GSG1L: variants seen among roughly 807,000 people sequenced by gnomAD.
GSG1L encodes GSG1 like, also known as germ cell-specific gene 1-like protein.
GSG1L carries 24 observed loss-of-function variants against 42.1 expected under a neutral mutation model. That is an observed-to-expected ratio of 0.57 (90% CI 0.41 to 0.80). GSG1L has a LOEUF of 0.80. Among genes scored for constraint, GSG1L ranks in the 30% least tolerant of loss-of-function variants. GSG1L has a pLI of 0.00. For synonymous variants in GSG1L, 215 were observed against 203.5 expected (o/e 1.06, Z -0.48); for missense variants, 445 against 472.2 (o/e 0.94, Z 0.53).
intron 1 of GSG1L, among the ~76,000 whole-genome samples, chr16:27,964,331 A>C (rs1192201986): frequency 6.6e-6 from 1 of 152,210 alleles, no homozygotes; most frequent in African/African-American, 2.4e-5. Flanking sequence ...CTCAAAAAAA[A>C]AAAAAAAATG....
chr16:27,932,608 A>T (rs556336357), intron 2 of GSG1L, among the ~76,000 whole-genome samples: 13 of 152,120 alleles, frequency 8.5e-5, no homozygotes, highest in African/African-American at 3.1e-4. Context: ...TGAGAAATCC[A>T]CCCCCATGAT....
At chr16:27,842,213 G>A (rs1182506705) in intron 4 of GSG1L, among the ~76,000 whole-genome samples, 4 of 151,968 alleles carry the variant, frequency 2.6e-5, no homozygotes, top group Admixed American at 1.3e-4. Flanking sequence ...ACGTTGTTGC[G>A]CGTGTTAAAT....
intron 1 of GSG1L, among the ~76,000 whole-genome samples, chr16:28,050,066 A>G (rs952374353): frequency 2.0e-5 from 3 of 152,262 alleles, no homozygotes; most frequent in Admixed American, 6.5e-5. Context: ...GACCTGGGAC[A>G]GAATAGGTGT....
At chr16:27,942,687 G>A (rs4788013) in intron 2 of GSG1L, among the ~76,000 whole-genome samples, 109,293 of 152,028 alleles carry the variant, frequency 0.72, 39,515 homozygotes, top group Non-Finnish European at 0.75. Flanking sequence ...AGTAATCAGG[G>A]AAACGTAAAT....
intron 1 of GSG1L, among the ~76,000 whole-genome samples, chr16:28,054,207 C>A (rs868257293): frequency 6.6e-6 from 1 of 152,186 alleles, no homozygotes; most frequent in African/African-American, 2.4e-5. Flanking sequence ...CAAGCTCCAG[C>A]CCAAATACCC....
At chr16:27,898,450 G>A (rs1644594) in intron 2 of GSG1L, among the ~76,000 whole-genome samples, 57,366 of 150,830 alleles carry the variant, frequency 0.38, 12,789 homozygotes, top group East Asian at 0.51. Flanking sequence ...GCAGAAGCAC[G>A]AGAAAGGGGA....
chr16:27,942,415 G>A (rs766591775), intron 2 of GSG1L, among the ~76,000 whole-genome samples: 10 of 93,482 alleles, frequency 1.1e-4, no homozygotes, highest in Non-Finnish European at 2.4e-4. Context: ...CTCCCAAAGT[G>A]CTAGGATTAT....
intron 1 of GSG1L, among the ~76,000 whole-genome samples, chr16:28,021,295 A>G (rs905936146): frequency 6.6e-6 from 1 of 152,108 alleles, no homozygotes; most frequent in Non-Finnish European, 1.5e-5. Flanking sequence ...CAGATGGTAA[A>G]ACTCAGGGTT....
chr16:27,860,686 T>G (rs2083637912), intron 3 of GSG1L, among the ~76,000 whole-genome samples: 1 of 152,210 alleles, frequency 6.6e-6, no homozygotes, highest in African/African-American at 2.4e-5. Flanking sequence ...CTTAGGGGCT[T>G]TTAGACTCCC....
chr16:27,939,290 T>C (rs2084758596), intron 2 of GSG1L, among the ~76,000 whole-genome samples: 1 of 152,132 alleles, frequency 6.6e-6, no homozygotes, highest in Non-Finnish European at 1.5e-5. Context: ...CCCAGCTTTT[T>C]TAAAATACAT....
chr16:27,889,472 G>GA (rs1360456199), intron 2 of GSG1L, among the ~76,000 whole-genome samples: 3 of 152,180 alleles, frequency 2.0e-5, no homozygotes, highest in Non-Finnish European at 4.4e-5. Context: ...AGTCAAAAAG[G>GA]AGGATGTTGA....
chr16:27,991,434 C>G (rs1227169557), intron 1 of GSG1L, among the ~76,000 whole-genome samples: 1 of 150,196 alleles, frequency 6.7e-6, no homozygotes, highest in African/African-American at 2.4e-5. Flanking sequence ...GAGATGGAGT[C>G]TCACTCTATT....
chr16:27,799,781 G>A (rs12599387), intron 6 of GSG1L, among the ~76,000 whole-genome samples: 25,734 of 151,986 alleles, frequency 0.17, 2,206 homozygotes, highest in African/African-American at 0.21. Context: ...GTCTTCGGAG[G>A]ATGGATTGGA....
At chr16:27,911,262 TCTCG>T (rs1046926991) in intron 2 of GSG1L, among the ~76,000 whole-genome samples, 1 of 117,546 alleles carries the variant, frequency 8.5e-6, no homozygotes, top group Admixed American at 1.0e-4. Flanking sequence ...ATCACCTCTC[TCTCG>T]CTCTCTCTCT....
intron 1 of GSG1L, among the ~76,000 whole-genome samples, chr16:28,045,493 G>A (rs1311330942): frequency 6.6e-6 from 1 of 152,124 alleles, no homozygotes; most frequent in Non-Finnish European, 1.5e-5. Flanking sequence ...CTGGCAACAT[G>A]GTGAAACCCT....
intron 6 of GSG1L, 23 bp from the exon 7 acceptor site, chr16:27,791,490 G>A (rs1429296456): frequency 4.9e-6 from 7 of 1,437,182 alleles, no homozygotes; most frequent in African/African-American, 2.9e-5. Flanking sequence ...AAGGCGGTCA[G>A]TGCTGAAAGC....
intron 1 of GSG1L, among the ~76,000 whole-genome samples, chr16:27,969,270 C>T: frequency 6.6e-6 from 1 of 152,190 alleles, no homozygotes; most frequent in East Asian, 1.9e-4. Flanking sequence ...TTAGCAGTCA[C>T]TCATTTCCTG....
In GSG1L at chr16:28,010,932, T is replaced by C. The variant is rs189365350; in HGVS notation, c.350-47729A>G. Among the ~76,000 whole-genome samples the C allele has an allele frequency of 1.6e-3, 236 of 152,122 alleles. No individual in the cohort carries two copies. The Middle Eastern group carries it at 0.024, about 15-fold the overall frequency. On this transcript the variant is annotated intron_variant, in intron 1 of 6. Transcript: ENST00000447459. Reference sequence around the variant, plus strand: ...TGTCTCCCCTGTGCCAGCCTCAGCCTTTTCTAGGGTGGTCAAGCAGGCCTG... The same window carrying C: ...TGTCTCCCCTGTGCCAGCCTCAGCCCTTTCTAGGGTGGTCAAGCAGGCCTG...
chr16:28,048,510 C>T (rs1215279699), intron 1 of GSG1L, among the ~76,000 whole-genome samples: 2 of 152,124 alleles, frequency 1.3e-5, no homozygotes, highest in East Asian at 1.9e-4. Flanking sequence ...GATCTTCCCA[C>T]CTCAGCCTCC....
Sources: allele counts gnomAD v4.1 joint callset (sites outside exome capture counted in the v4.1 genomes callset), GRCh38; gene constraint gnomAD v4.1.1; transcripts MANE v1.5; gene names NCBI Gene and HGNC (gene_info 2026-07-23, HGNC 2026-07-21).